The following KCNK2 variants were observed in gnomAD, a reference collection of about 807,000 sequenced individuals.
KCNK2 encodes the protein potassium two pore domain channel subfamily K member 2, also known as potassium channel subfamily K member 2.
In KCNK2, 21 loss-of-function variants were observed where a neutral mutation model predicts 40.5. The ratio of observed to expected loss-of-function variants is 0.52; its 90% CI spans 0.37 to 0.75. The LOEUF is 0.75. KCNK2 is among the 30% of genes least tolerant of loss of function. The probability of loss-of-function intolerance (pLI) is 0.00; values close to 1 mark genes in which losing one functional copy is unlikely to be tolerated. For synonymous variants in KCNK2, 191 were observed against 202.2 expected (o/e 0.94, Z 0.47); for missense variants, 399 against 531.6 (o/e 0.75, Z 2.45).
chr1:215,048,538 C>T (rs532049792), intron 1 of KCNK2, among the ~76,000 whole-genome samples: 19 of 152,266 alleles, frequency 1.2e-4, no homozygotes, highest in Non-Finnish European at 1.9e-4. Flanking sequence ...ACAACAACAA[C>T]AAATAAAACA....
At chr1:215,162,870 G>GT (rs1558119740) in intron 3 of KCNK2, among the ~76,000 whole-genome samples, 3 of 150,092 alleles carry the variant, frequency 2.0e-5, no homozygotes, top group African/African-American at 7.3e-5. Flanking sequence ...ATACTGCCAG[G>GT]TTTGTTTTTT....
intron 2 of KCNK2, among the ~76,000 whole-genome samples, chr1:215,119,797 T>C (rs1223675538): frequency 6.6e-6 from 1 of 152,178 alleles, no homozygotes; most frequent in Non-Finnish European, 1.5e-5. Flanking sequence ...GAAATTTTAT[T>C]ATCTATTCGG....
Position 215,121,541 on chromosome 1 carries a change from C to G in KCNK2, c.358-3092C>G, listed in dbSNP as rs570325854. 2.0e-5 allele frequency among the ~76,000 whole-genome samples: 3 copies of G among 152,244 alleles called. No individual in the cohort carries two copies. The South Asian group carries it at 6.2e-4, about 32-fold the overall frequency. On this transcript the variant is annotated intron_variant, in intron 2 of 6. Coordinates refer to ENST00000444842, the MANE Select transcript of KCNK2 (RefSeq NM_001017425.3). Reference sequence around the variant, plus strand: ...TCACCTGCCTCAGTCTCCCAAAGTGCTGGGATTAAAGGCAGGAGCCGCCAC... The same window carrying G: ...TCACCTGCCTCAGTCTCCCAAAGTGGTGGGATTAAAGGCAGGAGCCGCCAC...
intron 1 of KCNK2, among the ~76,000 whole-genome samples, chr1:215,072,238 A>T (rs968352946): frequency 5.9e-5 from 9 of 152,206 alleles, no homozygotes; most frequent in Admixed American, 2.0e-4. Context: ...GCTAATAAAG[A>T]CATACTCGAG....
chr1:215,144,484 G>A (rs1328423249), intron 3 of KCNK2, among the ~76,000 whole-genome samples: 1 of 152,032 alleles, frequency 6.6e-6, no homozygotes, highest in East Asian at 1.9e-4. Context: ...CTACCACAAG[G>A]TAATAGTCAA....
chr1:215,014,338 A>G (rs2601639), intron 1 of KCNK2, among the ~76,000 whole-genome samples: 84,841 of 151,374 alleles, frequency 0.56, 25,418 homozygotes, highest in South Asian at 0.78. Flanking sequence ...ATTTTTACAT[A>G]TATGTACATG....
intron 3 of KCNK2, among the ~76,000 whole-genome samples, chr1:215,131,342 TATA>T (rs10572305): frequency 0.05 from 7,409 of 147,074 alleles, 209 homozygotes; most frequent in Middle Eastern, 0.12. Context: ...ATTATATAAA[TATA>T]ATATCAATTT....
intron 3 of KCNK2, among the ~76,000 whole-genome samples, chr1:215,166,400 G>C (rs1372821930): frequency 6.6e-6 from 1 of 152,046 alleles, no homozygotes; most frequent in Non-Finnish European, 1.5e-5. Flanking sequence ...GCAGAAATGG[G>C]TCCAAGGGCA....
chr1:215,230,468 G>GATAT (rs373897689), intron 6 of KCNK2, among the ~76,000 whole-genome samples: 3 of 117,584 alleles, frequency 2.6e-5, no homozygotes, highest in African/African-American at 3.7e-5. Context: ...CATGGCTGTA[G>GATAT]ATATATATAT....
At chr1:215,200,063 T>C (rs558183487) in intron 6 of KCNK2, among the ~76,000 whole-genome samples, 2 of 152,306 alleles carry the variant, frequency 1.3e-5, no homozygotes, top group South Asian at 2.1e-4. Context: ...AGTGAATTGA[T>C]AGGCAAGCAA....
At chr1:215,183,905 T>C (rs1664324837) in intron 5 of KCNK2, among the ~76,000 whole-genome samples, 1 of 152,198 alleles carries the variant, frequency 6.6e-6, no homozygotes, top group African/African-American at 2.4e-5. Flanking sequence ...TATTTATCTG[T>C]TTCTATTGAT....
intron 6 of KCNK2, among the ~76,000 whole-genome samples, chr1:215,226,394 C>T (rs552930462): frequency 1.3e-5 from 2 of 152,246 alleles, no homozygotes; most frequent in African/African-American, 2.4e-5. Context: ...GGCGTGATCT[C>T]GGCTCACTGT....
intron 1 of KCNK2, among the ~76,000 whole-genome samples, chr1:215,033,621 C>A (rs1028924503): frequency 6.6e-6 from 1 of 152,068 alleles, no homozygotes; most frequent in Non-Finnish European, 1.5e-5. Context: ...CTTCTCAGTG[C>A]CTCAGTAACT....
At chr1:215,072,681 G>T (rs950236132) in intron 1 of KCNK2, among the ~76,000 whole-genome samples, 3 of 152,174 alleles carry the variant, frequency 2.0e-5, no homozygotes, top group African/African-American at 7.2e-5. Flanking sequence ...TGGAAATCCA[G>T]AGATTCTGAA....
chr1:215,132,592 G>C (rs936985159), intron 3 of KCNK2, among the ~76,000 whole-genome samples: 2 of 152,074 alleles, frequency 1.3e-5, no homozygotes, highest in African/African-American at 4.8e-5. Context: ...TTTCAGTATT[G>C]TGTATTTGAA....
intron 1 of KCNK2, among the ~76,000 whole-genome samples, chr1:215,045,033 A>AT (rs1373553448): frequency 6.6e-6 from 1 of 151,954 alleles, no homozygotes; most frequent in East Asian, 1.9e-4. Context: ...AAAACAAAAA[A>AT]TTAGCTGGGT....
At chr1:215,197,715 C>A (rs181056730) in intron 6 of KCNK2, among the ~76,000 whole-genome samples, 1 of 152,092 alleles carries the variant, frequency 6.6e-6, no homozygotes, top group South Asian at 2.1e-4. Context: ...AAAATGAAAA[C>A]AAGACCGGGT....
intron 3 of KCNK2, among the ~76,000 whole-genome samples, chr1:215,131,458 A>G (rs1661677068): frequency 6.8e-6 from 1 of 147,152 alleles, no homozygotes; most frequent in Non-Finnish European, 1.5e-5. Context: ...ATATTATTTT[A>G]TATAAATTAT....
In KCNK2 at chr1:215,082,953, C is replaced by A. The variant is rs1392927303; in HGVS notation, c.-433C>A. Among the ~76,000 whole-genome samples the A allele has an allele frequency of 6.7e-6, 1 of 149,004 alleles. No individual in the cohort carries two copies. Among genetic ancestry groups the A allele is most frequent in the African/African-American group, 2.4e-5 (1 of 41,054 alleles). ...GCTGGGGCTGCACCCACCGCCCCCG[C>A]GCCGCGCCGTGCCGGGGCCGGGCCA... On this transcript the variant is annotated 5_prime_UTR_variant, in exon 1 of 7. Transcript: ENST00000444842.
Sources: gnomAD v4.1 joint callset for allele counts (sites outside exome capture counted in the v4.1 genomes callset) on GRCh38, gnomAD v4.1.1 for gene constraint, MANE v1.5 for transcripts, NCBI Gene and HGNC (gene_info 2026-07-23, HGNC 2026-07-21) for gene names.